Variants in CLDN14 observed in about 807,000 individuals in gnomAD.
CLDN14 encodes the protein claudin 14.
Under a neutral mutation model 2.1 loss-of-function variants are expected in CLDN14, and 2 were observed. The ratio of observed to expected loss-of-function variants is 0.96; its 90% CI spans 0.39 to 3.01. The LOEUF (loss-of-function observed/expected upper bound fraction) is 3.01, where lower values mean the gene tolerates loss of function less well. CLDN14 is among the 30% of genes most tolerant of loss of function. CLDN14 has a pLI of 0.09. For missense variants in CLDN14, 298 were observed against 328.0 expected (o/e 0.91, Z 0.71); for synonymous variants, 136 against 154.4 (o/e 0.88, Z 0.88).
chr21:36,481,311 A>G (rs547760989), upstream of CLDN14, among the ~76,000 whole-genome samples: 5 of 152,358 alleles, frequency 3.3e-5, no homozygotes, highest in Non-Finnish European at 7.3e-5. Context: ...ACTTGGAGAT[A>G]GAATCATCGC....
At chr21:36,469,395 G>T (rs781341032) in intron 1 of CLDN14, among the ~76,000 whole-genome samples, 5 of 152,118 alleles carry the variant, frequency 3.3e-5, no homozygotes, top group Non-Finnish European at 5.9e-5. Flanking sequence ...TATACCATCC[G>T]CATAGAGTCT....
intron 1 of CLDN14, among the ~76,000 whole-genome samples, chr21:36,479,208 G>A (rs951588984): frequency 1.3e-5 from 2 of 152,138 alleles, no homozygotes; most frequent in African/African-American, 4.8e-5. Flanking sequence ...GGCCTGGTAA[G>A]CGATGAAAAG....
intron 1 of CLDN14, among the ~76,000 whole-genome samples, chr21:36,477,176 A>G (rs1236739644): frequency 6.6e-6 from 1 of 152,214 alleles, no homozygotes; most frequent in East Asian, 1.9e-4. Context: ...AGCCTGTCTG[A>G]GCACGGGGCT....
chr21:36,568,520 G>A (rs74432164), intron 1 of CLDN14, among the ~76,000 whole-genome samples: 4 of 152,202 alleles, frequency 2.6e-5, no homozygotes, highest in South Asian at 2.1e-4. Context: ...GGACAGTTCC[G>A]ACAAAGTAAC....
chr21:36,516,083 C>T (rs374827954), intron 1 of CLDN14, among the ~76,000 whole-genome samples: 40 of 152,222 alleles, frequency 2.6e-4, no homozygotes, highest in African/African-American at 7.9e-4. Context: ...CCACTGGGCC[C>T]GGCCGTTTTC....
At chr21:36,478,158 A>G (rs2086799243) in intron 1 of CLDN14, among the ~76,000 whole-genome samples, 1 of 152,266 alleles carries the variant, frequency 6.6e-6, no homozygotes, top group Admixed American at 6.5e-5. Flanking sequence ...AATATTTAAT[A>G]GTGACATTTT....
In CLDN14 at chr21:36,461,801, G is replaced by A; in HGVS notation, c.-81-25C>T. 7 of 1,452,558 alleles carry A rather than the reference G, an allele frequency of 4.8e-6. No homozygotes were observed. In the South Asian group the frequency reaches 8.8e-5, roughly 18 times the overall value. 90.0% of individuals were successfully genotyped at this position (1,452,558 alleles called of 1,614,324 possible). A position where few individuals can be genotyped will look rare whatever the true frequency, so the allele number is the denominator to read the frequency against. ...CCTAATGAAGCCAAGGGAGGCGGGA[G>A]CAGGGAGAGAAAGGAAATGGGTTAA... is the stretch of plus-strand genomic sequence containing the variant. On this transcript the variant is annotated intron_variant, in intron 1 of 1. Transcript: ENST00000399135.
At chr21:36,573,193 C>T (rs1022349009) in intron 1 of CLDN14, among the ~76,000 whole-genome samples, 4 of 150,390 alleles carry the variant, frequency 2.7e-5, no homozygotes, top group South Asian at 2.1e-4. Flanking sequence ...CCCAGCTACT[C>T]GGGAGGCTGA....
At chr21:36,490,863 G>A (rs941103920) in intron 2 of CLDN14, among the ~76,000 whole-genome samples, 2 of 151,810 alleles carry the variant, frequency 1.3e-5, no homozygotes, top group Admixed American at 1.3e-4. Context: ...TCTGCTTTCT[G>A]CTCCTCCCAA....
At chr21:36,477,907 A>G (rs2086796857) in intron 1 of CLDN14, among the ~76,000 whole-genome samples, 1 of 152,236 alleles carries the variant, frequency 6.6e-6, no homozygotes. Flanking sequence ...ATTAGCTGGA[A>G]GGAGGAACGT....
rs954289063 is a variant in CLDN14 at position 36,479,967 on chromosome 21, C to T, written c.-554G>A. On this transcript the variant is annotated 5_prime_UTR_variant, in exon 1 of 2. Transcript: ENST00000399135. ...TCCGGGTCCATTGGCTGTTCACACT[C>T]ACTTCCCTGTGTCCTGGAACTGCCT... 1 of 152,336 alleles carries T rather than the reference C, an allele frequency of 6.6e-6. No individual in the cohort carries two copies. Among genetic ancestry groups the T allele is most frequent in the Non-Finnish European group, 1.5e-5 (1 of 68,124 alleles). The allele number at this position is 152,336 out of a possible 1,614,324, so 9.4% of individuals were successfully genotyped here.
intron 1 of CLDN14, among the ~76,000 whole-genome samples, chr21:36,538,770 A>C (rs1279072754): frequency 6.6e-6 from 1 of 151,796 alleles, no homozygotes; most frequent in African/African-American, 2.4e-5. Flanking sequence ...TTTTTTTTCC[A>C]CAGTTGGAGT....
At chr21:36,494,723 A>G (rs1168888093) in intron 2 of CLDN14, among the ~76,000 whole-genome samples, 1 of 152,218 alleles carries the variant, frequency 6.6e-6, no homozygotes, top group East Asian at 1.9e-4. Context: ...GACAGCATCT[A>G]TAAGCCAGGG....
intron 1 of CLDN14, among the ~76,000 whole-genome samples, chr21:36,556,216 A>T (rs942725565): frequency 2.0e-5 from 3 of 152,068 alleles, no homozygotes; most frequent in African/African-American, 7.2e-5. Context: ...TCCTCAATTG[A>T]TCAGTGTGTC....
At chr21:36,514,622 AGTGTGTGTGTGTGTGT>A (rs34558148) in intron 1 of CLDN14, among the ~76,000 whole-genome samples, 1 of 33,658 alleles carries the variant, frequency 3.0e-5, no homozygotes, top group Non-Finnish European at 1.1e-4. Context: ...CGTGAGAGAA[AGTGTGTGTGTGTGTGT>A]GTGTGTGTGT....
chr21:36,496,436 CAAAAAAAAAAA>C (rs60272055), intron 2 of CLDN14, among the ~76,000 whole-genome samples: 1 of 95,502 alleles, frequency 1.0e-5, no homozygotes, highest in African/African-American at 4.4e-5. Flanking sequence ...GACCTTGTTT[CAAAAAAAAAAA>C]AAAAAAAAAA....
intron 2 of CLDN14, among the ~76,000 whole-genome samples, chr21:36,507,073 T>C (rs1415082003): frequency 6.6e-6 from 1 of 151,574 alleles, no homozygotes; most frequent in African/African-American, 2.4e-5. Context: ...CAGTGAGCTA[T>C]GATCACACCA....
chr21:36,504,282 G>A (rs947432340), intron 2 of CLDN14, among the ~76,000 whole-genome samples: 5 of 151,946 alleles, frequency 3.3e-5, no homozygotes, highest in African/African-American at 9.7e-5. Context: ...TGAGGCTGAA[G>A]AGAGTTATGA....
chr21:36,484,019 G>A (rs1216688152), upstream of CLDN14, among the ~76,000 whole-genome samples: 2 of 152,198 alleles, frequency 1.3e-5, no homozygotes, highest in Non-Finnish European at 2.9e-5. Context: ...GGCAGTCTCC[G>A]CCCTTCACTG....
Sources: gnomAD v4.1 joint callset for allele counts (sites outside exome capture counted in the v4.1 genomes callset) on GRCh38, gnomAD v4.1.1 for gene constraint, MANE v1.5 for transcripts, NCBI Gene and HGNC (gene_info 2026-07-23, HGNC 2026-07-21) for gene names.